The following EPHA6 variants were observed in gnomAD, a reference collection of about 807,000 sequenced individuals.
The protein encoded by EPHA6 is EPH receptor A6, also known as ephrin type-A receptor 6.
EPHA6 carries 50 observed loss-of-function variants against 112.0 expected under a neutral mutation model. The observed-to-expected ratio is 0.45, with a 90% confidence interval of 0.36 to 0.56. The LOEUF (loss-of-function observed/expected upper bound fraction) is 0.56, where lower values mean the gene tolerates loss of function less well. EPHA6 is among the 20% of genes least tolerant of loss of function. The pLI, the probability that EPHA6 is intolerant of heterozygous loss-of-function variation, is 0.00. For missense variants in EPHA6, 1,280 were observed against 1,417.4 expected (o/e 0.90, Z 1.56); for synonymous variants, 529 against 490.7 (o/e 1.08, Z -1.03).
chr3:97,095,416 C>G (rs11926444), intron 3 of EPHA6, among the ~76,000 whole-genome samples: 22,104 of 151,676 alleles, frequency 0.15, 1,684 homozygotes, highest in Non-Finnish European at 0.17. Context: ...CAAACTGCAC[C>G]TTGTGCACAT....
At chr3:96,867,414 T>G (rs372659455) in intron 2 of EPHA6, among the ~76,000 whole-genome samples, 1 of 151,834 alleles carries the variant, frequency 6.6e-6, no homozygotes, top group East Asian at 1.9e-4. Flanking sequence ...TAAGGATGTG[T>G]AATTTGCAAA....
At chr3:97,628,453 T>C (rs979990744) in intron 13 of EPHA6, among the ~76,000 whole-genome samples, 1 of 151,966 alleles carries the variant, frequency 6.6e-6, no homozygotes, top group African/African-American at 2.4e-5. Context: ...GGTCATCTAT[T>C]ATTATTATAT....
At chr3:97,584,346 C>T (rs1199329618) in intron 11 of EPHA6, among the ~76,000 whole-genome samples, 1 of 152,158 alleles carries the variant, frequency 6.6e-6, no homozygotes, top group East Asian at 1.9e-4. Context: ...AGCTAAAAGT[C>T]ACCAGCTGGC....
At chr3:97,463,296 G>C (rs567310542) in intron 7 of EPHA6, among the ~76,000 whole-genome samples, 1 of 152,030 alleles carries the variant, frequency 6.6e-6, no homozygotes, top group Non-Finnish European at 1.5e-5. Context: ...ATCTAAATTG[G>C]TTTTAATTTT....
chr3:97,163,795 C>A (rs1007996525), intron 3 of EPHA6, among the ~76,000 whole-genome samples: 4 of 152,212 alleles, frequency 2.6e-5, no homozygotes, highest in African/African-American at 9.6e-5. Context: ...ACCTTGGCTG[C>A]ATCAGGCCAT....
chr3:97,721,774 A>G (rs1228521305), intron 15 of EPHA6, among the ~76,000 whole-genome samples: 1 of 152,198 alleles, frequency 6.6e-6, no homozygotes, highest in Non-Finnish European at 1.5e-5. Context: ...CTTCCCTGCC[A>G]TTGGGCTTTG....
chr3:97,304,007 G>A (rs2108729315), intron 5 of EPHA6, among the ~76,000 whole-genome samples: 1 of 152,076 alleles, frequency 6.6e-6, no homozygotes, highest in Non-Finnish European at 1.5e-5. Context: ...TGTAGCAGTT[G>A]TGAATGGGAG....
intron 3 of EPHA6, among the ~76,000 whole-genome samples, chr3:97,038,577 C>T (rs2045196601): frequency 6.6e-6 from 1 of 152,052 alleles, no homozygotes; most frequent in African/African-American, 2.4e-5. Flanking sequence ...AATGAGGTTG[C>T]TTCCATATCT....
intron 3 of EPHA6, among the ~76,000 whole-genome samples, chr3:97,167,787 A>G (rs1324271541): frequency 6.6e-6 from 1 of 151,990 alleles, no homozygotes; most frequent in Non-Finnish European, 1.5e-5. Context: ...ATTCTTTAGT[A>G]TTAATTATAA....
intron 16 of EPHA6, among the ~76,000 whole-genome samples, chr3:97,746,958 C>T (rs960787987): frequency 1.1e-4 from 17 of 151,870 alleles, no homozygotes; most frequent in Non-Finnish European, 2.9e-5. Context: ...AGAACTATCA[C>T]AGCAAATGTA....
chr3:96,914,081 T>C (rs1299546033), intron 2 of EPHA6, among the ~76,000 whole-genome samples: 1 of 152,160 alleles, frequency 6.6e-6, no homozygotes, highest in East Asian at 1.9e-4. Context: ...CGTATATGGA[T>C]CTCTTGTACT....
intron 3 of EPHA6, among the ~76,000 whole-genome samples, chr3:97,141,775 A>G (rs1041109768): frequency 6.6e-6 from 1 of 152,086 alleles, no homozygotes; most frequent in African/African-American, 2.4e-5. Context: ...AAGGAACTAG[A>G]AAAACAAGAA....
Position 97,116,225 on chromosome 3 carries a change from A to G in EPHA6, c.1115-110039A>G, listed in dbSNP as rs147719433. Among the ~76,000 whole-genome samples, 426 of 151,876 alleles carry G rather than the reference A, an allele frequency of 2.8e-3. 2 individuals are homozygous for G. Among genetic ancestry groups the G allele is most frequent in the African/African-American group, 8.1e-3 (337 of 41,538 alleles). Reference sequence around the variant, plus strand: ...TTACTTCCTCCATCTTTATTGAGGTATAATTCACAAGTAAAATATGTATAT... The same window carrying G: ...TTACTTCCTCCATCTTTATTGAGGTGTAATTCACAAGTAAAATATGTATAT... On this transcript the variant is annotated intron_variant, in intron 3 of 17. Transcript: ENST00000389672.
intron 8 of EPHA6, among the ~76,000 whole-genome samples, chr3:97,478,868 T>C (rs2091450601): frequency 6.6e-6 from 1 of 150,994 alleles, no homozygotes; most frequent in South Asian, 2.1e-4. Context: ...AGAACATGCC[T>C]CTACCAAATT....
At chr3:97,051,338 G>A (rs993172288) in intron 3 of EPHA6, among the ~76,000 whole-genome samples, 7 of 152,124 alleles carry the variant, frequency 4.6e-5, no homozygotes, top group African/African-American at 1.4e-4. Flanking sequence ...AGGAGATATA[G>A]TATGTATGTT....
intron 4 of EPHA6, among the ~76,000 whole-genome samples, chr3:97,228,315 C>T (rs1158315351): frequency 2.0e-5 from 3 of 152,128 alleles, no homozygotes; most frequent in Admixed American, 2.0e-4. Flanking sequence ...TCACTCACTA[C>T]CCTCCCATCC....
rs564809366 is a variant in EPHA6 at position 97,544,866 on chromosome 3, A to C, written c.2386+12323A>C. 3.6e-3 allele frequency among the ~76,000 whole-genome samples: 542 copies of C among 152,252 alleles called. 1 individual carries two copies. Among genetic ancestry groups the C allele is most frequent in the Non-Finnish European group, 5.8e-3 (394 of 68,014 alleles). On this transcript the variant is annotated intron_variant, in intron 11 of 17. Coordinates refer to ENST00000389672, the MANE Select transcript of EPHA6 (RefSeq NM_001080448.3). ...TTTATCCATTTCTTCTAGATTTTCT[A>C]GTTTATTTGCATAGAGGTGTTTATA... is the stretch of plus-strand genomic sequence containing the variant.
At chr3:96,883,599 A>G (rs1233279133) in intron 2 of EPHA6, among the ~76,000 whole-genome samples, 1 of 152,098 alleles carries the variant, frequency 6.6e-6, no homozygotes, top group Non-Finnish European at 1.5e-5. Context: ...GTATAAGGTG[A>G]GAGATGAGGA....
intron 3 of EPHA6, among the ~76,000 whole-genome samples, chr3:97,018,417 C>A (rs2044338406): frequency 6.6e-6 from 1 of 152,058 alleles, no homozygotes; most frequent in Non-Finnish European, 1.5e-5. Flanking sequence ...AAATGCCAGG[C>A]TGCACTGATA....
Sources: allele counts gnomAD v4.1 joint callset (sites outside exome capture counted in the v4.1 genomes callset), GRCh38; gene constraint gnomAD v4.1.1; transcripts MANE v1.5; gene names NCBI Gene and HGNC (gene_info 2026-07-23, HGNC 2026-07-21).